IPO11: variants seen among roughly 807,000 people sequenced by gnomAD.
IPO11 encodes importin-11.
Under a neutral mutation model 143.2 loss-of-function variants are expected in IPO11, and 66 were observed. That is an observed-to-expected ratio of 0.46 (90% CI 0.38 to 0.57). The LOEUF is 0.57. Ranked by LOEUF, IPO11 falls within the 20% of genes least tolerant of loss-of-function variation. IPO11 has a pLI of 0.00. For synonymous variants in IPO11, 385 were observed against 377.8 expected (o/e 1.02, Z -0.22); for missense variants, 1,026 against 1,141.0 (o/e 0.90, Z 1.45).
intron 5 of IPO11, among the ~76,000 whole-genome samples, chr5:62,460,126 G>A (rs173523): frequency 0.58 from 88,830 of 151,978 alleles, 26,227 homozygotes; most frequent in South Asian, 0.68. Flanking sequence ...TATTTTTTAA[G>A]TATTTAACTT....
intron 19 of IPO11, among the ~76,000 whole-genome samples, chr5:62,514,290 A>T (rs913928842): frequency 6.6e-6 from 1 of 152,122 alleles, no homozygotes; most frequent in Admixed American, 6.5e-5. Context: ...ACTGCACTCC[A>T]GCCTGGGCAC....
chr5:62,607,800 C>G (rs1214573248), intron 29 of IPO11, among the ~76,000 whole-genome samples: 3 of 142,124 alleles, frequency 2.1e-5, no homozygotes, highest in Non-Finnish European at 4.6e-5. Flanking sequence ...TGCCACATCT[C>G]TTTTTTTTTT....
intron 3 of IPO11, among the ~76,000 whole-genome samples, chr5:62,447,375 G>C (rs1486558722): frequency 6.6e-6 from 1 of 152,092 alleles, no homozygotes; most frequent in Non-Finnish European, 1.5e-5. Context: ...AAAATGCTGG[G>C]ATTTACAGGC....
intron 5 of IPO11, among the ~76,000 whole-genome samples, chr5:62,464,001 T>C (rs1441547167): frequency 6.6e-6 from 1 of 151,892 alleles, no homozygotes; most frequent in African/African-American, 2.4e-5. Context: ...TTTTTGTATT[T>C]GTAATAGAGA....
intron 27 of IPO11, chr5:62,580,126 C>G (rs1561371610): frequency 6.4e-7 from 1 of 1,551,020 alleles, no homozygotes; most frequent in Admixed American, 2.0e-5. Context: ...ACTTAAAAGT[C>G]TTAGAAGACT....
intron 24 of IPO11, among the ~76,000 whole-genome samples, chr5:62,543,571 T>C (rs1395703191): frequency 2.6e-5 from 4 of 152,220 alleles, no homozygotes; most frequent in African/African-American, 9.6e-5. Context: ...TTGATTCTTC[T>C]CTCTTTTCTT....
intron 3 of IPO11, among the ~76,000 whole-genome samples, chr5:62,444,625 C>G (rs1222793657): frequency 2.6e-5 from 4 of 151,888 alleles, no homozygotes; most frequent in African/African-American, 9.7e-5. Context: ...CCTGTAATCC[C>G]AGCACTTTGG....
At chr5:62,445,855 A>AT (rs1025148592) in intron 3 of IPO11, among the ~76,000 whole-genome samples, 37 of 151,840 alleles carry the variant, frequency 2.4e-4, no homozygotes, top group African/African-American at 5.6e-4. Context: ...TATCATCTGT[A>AT]TTTTTTTTGC....
At chr5:62,435,210 G>GTATATATATA (rs769669064) in intron 1 of IPO11, among the ~76,000 whole-genome samples, 6 of 92,320 alleles carry the variant, frequency 6.5e-5, no homozygotes, top group Admixed American at 2.6e-4. Flanking sequence ...GTATATATAT[G>GTATATATATA]TGTATATATA....
chr5:62,627,338 GC>G lies in IPO11; in HGVS notation c.*22del, dbSNP rs1746622940. ...TTCTAAGAGCACATGACATGTGGCT[GC>G]CTCCCCTTTCAGAAACAAGCTGAGT... On this transcript the variant is annotated 3_prime_UTR_variant, in exon 30 of 30. Transcript: ENST00000325324. The G allele has an allele frequency of 2.5e-6, 4 of 1,593,714 alleles. No homozygotes were observed. The highest frequency in any genetic ancestry group is 3.4e-6 in the Non-Finnish European group (4 of 1,165,658).
intron 16 of IPO11, among the ~76,000 whole-genome samples, chr5:62,501,214 ACT>A (rs1047768003): frequency 6.6e-6 from 1 of 151,138 alleles, no homozygotes; most frequent in Non-Finnish European, 1.5e-5. Flanking sequence ...TCTTTTGTAC[ACT>A]CTCTAATTTT....
At chr5:62,621,855 A>G (rs1441087546) in intron 29 of IPO11, among the ~76,000 whole-genome samples, 1 of 152,154 alleles carries the variant, frequency 6.6e-6, no homozygotes, top group African/African-American at 2.4e-5. Flanking sequence ...AAACTTTTGG[A>G]CAGTGGAGGA....
chr5:62,583,967 G>A (rs896792156), intron 27 of IPO11, among the ~76,000 whole-genome samples: 1 of 152,126 alleles, frequency 6.6e-6, no homozygotes. Flanking sequence ...TAATGTGACT[G>A]TGTCTGAGGA....
chr5:62,466,163 TG>T (rs1367062631), intron 5 of IPO11, among the ~76,000 whole-genome samples: 1 of 152,192 alleles, frequency 6.6e-6, no homozygotes, highest in East Asian at 1.9e-4. Flanking sequence ...CAGGATGTTT[TG>T]CCAAGACTCA....
intron 29 of IPO11, among the ~76,000 whole-genome samples, chr5:62,621,581 A>C (rs1383492049): frequency 1.3e-5 from 2 of 152,154 alleles, no homozygotes; most frequent in Non-Finnish European, 2.9e-5. Context: ...TTAAGGGGGA[A>C]GGGGAGTGGG....
At chr5:62,420,365 A>T (rs989447652) in intron 1 of IPO11, among the ~76,000 whole-genome samples, 1 of 152,074 alleles carries the variant, frequency 6.6e-6, no homozygotes, top group Non-Finnish European at 1.5e-5. Flanking sequence ...ATCACTTTCA[A>T]GTGTTATGTA....
chr5:62,624,240 G>A (rs543930909), intron 29 of IPO11, among the ~76,000 whole-genome samples: 4 of 151,870 alleles, frequency 2.6e-5, no homozygotes, highest in Non-Finnish European at 4.4e-5. Context: ...CTCCATGTTG[G>A]TCAGGCTGGT....
At chr5:62,596,277 A>AAAAAAAAG (rs1213173987) in intron 28 of IPO11, among the ~76,000 whole-genome samples, 1 of 151,584 alleles carries the variant, frequency 6.6e-6, no homozygotes, top group Admixed American at 6.6e-5. Context: ...TCAAAAAAAA[A>AAAAAAAAG]AAAAAAGAAT....
At chr5:62,559,002 T>G (rs1387533208) in intron 26 of IPO11, among the ~76,000 whole-genome samples, 1 of 152,218 alleles carries the variant, frequency 6.6e-6, no homozygotes, top group African/African-American at 2.4e-5. Flanking sequence ...GTATTATGTC[T>G]AAAGTAATAA....
Sources: gnomAD v4.1 joint callset for allele counts (sites outside exome capture counted in the v4.1 genomes callset) on GRCh38, gnomAD v4.1.1 for gene constraint, MANE v1.5 for transcripts, NCBI Gene and HGNC (gene_info 2026-07-23, HGNC 2026-07-21) for gene names.